Variants in CDC14A observed in about 807,000 individuals in gnomAD.
The protein encoded by CDC14A is cell division cycle 14A.
Under a neutral mutation model 74.4 loss-of-function variants are expected in CDC14A, and 53 were observed. The ratio of observed to expected loss-of-function variants is 0.71; its 90% CI spans 0.57 to 0.89. The LOEUF is 0.89. Among genes scored for constraint, CDC14A ranks in the 40% least tolerant of loss-of-function variants. CDC14A has a pLI of 0.00. For synonymous variants in CDC14A, 247 were observed against 258.4 expected, an observed-to-expected ratio of 0.96 and a Z score of 0.43; for missense variants, 646 against 713.7, an observed-to-expected ratio of 0.91 and a Z score of 1.08.
At chr1:100,505,169 C>G (rs1182290847) in intron 15 of CDC14A, among the ~76,000 whole-genome samples, 1 of 152,150 alleles carries the variant, frequency 6.6e-6, no homozygotes, top group Non-Finnish European at 1.5e-5. Context: ...AAGTTGAAAG[C>G]AAAATGGAAA....
intron 7 of CDC14A, among the ~76,000 whole-genome samples, chr1:100,452,658 G>A (rs1374432190): frequency 2.6e-5 from 4 of 152,180 alleles, no homozygotes; most frequent in Non-Finnish European, 5.9e-5. Context: ...ACACCTAAAT[G>A]TATCACTTTC....
At chr1:100,420,441 G>T (rs1445695201) in intron 4 of CDC14A, among the ~76,000 whole-genome samples, 2 of 151,940 alleles carry the variant, frequency 1.3e-5, no homozygotes, top group African/African-American at 2.4e-5. Flanking sequence ...AGAAGTATTT[G>T]CAGATGAATT....
intron 15 of CDC14A, among the ~76,000 whole-genome samples, chr1:100,511,680 T>A (rs1035667694): frequency 2.6e-5 from 4 of 152,198 alleles, no homozygotes; most frequent in Admixed American, 1.3e-4. Flanking sequence ...CTGCCTGCCT[T>A]TCCCTTGTCA....
intron 3 of CDC14A, among the ~76,000 whole-genome samples, chr1:100,383,872 T>C (rs1348971598): frequency 6.6e-6 from 1 of 151,480 alleles, no homozygotes; most frequent in Non-Finnish European, 1.5e-5. Flanking sequence ...TTTTCTGTGT[T>C]TCTTTAAATT....
At chr1:100,393,306 G>A in intron 4 of CDC14A, 5 of 1,122,902 alleles carry the variant, frequency 4.5e-6, no homozygotes, top group Non-Finnish European at 6.8e-6. Flanking sequence ...TACTTTCCAG[G>A]CATTACATCC....
intron 15 of CDC14A, among the ~76,000 whole-genome samples, chr1:100,505,335 C>T (rs1649141798): frequency 6.6e-6 from 1 of 152,146 alleles, no homozygotes; most frequent in African/African-American, 2.4e-5. Context: ...TTTTCCACCT[C>T]AAATTTGACA....
At chr1:100,516,640 A>T (rs567790670) in intron 15 of CDC14A, among the ~76,000 whole-genome samples, 1 of 152,108 alleles carries the variant, frequency 6.6e-6, no homozygotes, top group Non-Finnish European at 1.5e-5. Flanking sequence ...ACTGCTTGCC[A>T]GACTTAGAAG....
At chr1:100,434,132 C>T (rs533074274) in intron 5 of CDC14A, among the ~76,000 whole-genome samples, 33 of 152,298 alleles carry the variant, frequency 2.2e-4, no homozygotes, top group African/African-American at 7.7e-4. Context: ...TTATTGACTG[C>T]AAATTCTTCC....
chr1:100,430,090 C>T (rs1663476299), intron 5 of CDC14A, among the ~76,000 whole-genome samples: 1 of 152,138 alleles, frequency 6.6e-6, no homozygotes, highest in South Asian at 2.1e-4. Flanking sequence ...TCCAGCAGAA[C>T]TCCTGTTCTG....
At chr1:100,429,404 A>G (rs562715050) in intron 5 of CDC14A, among the ~76,000 whole-genome samples, 2 of 151,734 alleles carry the variant, frequency 1.3e-5, no homozygotes, top group South Asian at 4.1e-4. Flanking sequence ...AATGGAATAA[A>G]GCTGTGAACA....
At chr1:100,347,568 A>G (rs1650533517), upstream of CDC14A, among the ~76,000 whole-genome samples, 1 of 152,272 alleles carries the variant, frequency 6.6e-6, no homozygotes, top group Admixed American at 6.5e-5. Flanking sequence ...AGAACCGTTT[A>G]TGAGTCATGC....
At chr1:100,464,672 T>C (rs527941498) in intron 9 of CDC14A, among the ~76,000 whole-genome samples, 32 of 152,204 alleles carry the variant, frequency 2.1e-4, no homozygotes, top group Admixed American at 6.5e-4. Context: ...TACTACGTCG[T>C]AGAGTTTATC....
At chr1:100,349,990 C>T (rs1650788215), upstream of CDC14A, among the ~76,000 whole-genome samples, 1 of 130,528 alleles carries the variant, frequency 7.7e-6, no homozygotes, top group South Asian at 2.4e-4. Flanking sequence ...TTTTGCTCGT[C>T]ACCCAGGCTG....
intron 15 of CDC14A, among the ~76,000 whole-genome samples, chr1:100,509,407 T>C (rs1276369116): frequency 1.3e-5 from 2 of 152,234 alleles, no homozygotes; most frequent in Non-Finnish European, 2.9e-5. Flanking sequence ...AGAAAATGTC[T>C]TTTATTTTTG....
At chr1:100,503,783 G>C (rs1285262449) in intron 15 of CDC14A, among the ~76,000 whole-genome samples, 1 of 152,226 alleles carries the variant, frequency 6.6e-6, no homozygotes, top group East Asian at 1.9e-4. Flanking sequence ...CTTAAGAAAT[G>C]AGGGACATGT....
chr1:100,381,705 A>G (rs1656125450), intron 3 of CDC14A, among the ~76,000 whole-genome samples: 1 of 152,156 alleles, frequency 6.6e-6, no homozygotes, highest in Admixed American at 6.5e-5. Context: ...AATTATGTCA[A>G]TCAGAATGGA....
chr1:100,362,811 G>C (rs563570460), intron 2 of CDC14A, among the ~76,000 whole-genome samples: 2 of 152,270 alleles, frequency 1.3e-5, no homozygotes, highest in African/African-American at 4.8e-5. Context: ...AAGCAGCATT[G>C]TTGCCTGGGG....
At chr1:100,420,051 C>CATATAT (rs1430165704) in intron 4 of CDC14A, among the ~76,000 whole-genome samples, 42 of 14,806 alleles carry the variant, frequency 2.8e-3, no homozygotes, top group African/African-American at 0.01. Flanking sequence ...CACACACACA[C>CATATAT]ACACACACAC....
chr1:100,479,637 GA>G (rs1669257001), intron 10 of CDC14A, among the ~76,000 whole-genome samples: 1 of 152,088 alleles, frequency 6.6e-6, no homozygotes, highest in South Asian at 2.1e-4. Context: ...ATAAAAATCA[GA>G]ATTTAACAAA....
Sources: allele counts gnomAD v4.1 joint callset (sites outside exome capture counted in the v4.1 genomes callset), GRCh38; gene constraint gnomAD v4.1.1; transcripts MANE v1.5; gene names NCBI Gene and HGNC (gene_info 2026-07-23, HGNC 2026-07-21).